The following NCOA1 variants were observed in gnomAD, a reference collection of about 807,000 sequenced individuals.
The protein encoded by NCOA1 is nuclear receptor coactivator 1.
Under a neutral mutation model 150.9 loss-of-function variants are expected in NCOA1, and 35 were observed. The ratio of observed to expected loss-of-function variants is 0.23; its 90% CI spans 0.18 to 0.31. NCOA1 has a LOEUF of 0.31. Among genes scored for constraint, NCOA1 ranks in the 10% least tolerant of loss-of-function variants. The pLI, the probability that NCOA1 is intolerant of heterozygous loss-of-function variation, is 1.00. For synonymous variants in NCOA1, 590 were observed against 630.0 expected, an observed-to-expected ratio of 0.94 and a Z score of 0.95; for missense variants, 1,491 against 1,749.3, an observed-to-expected ratio of 0.85 and a Z score of 2.63.
chr2:24,726,526 GA>G, intron 14 of NCOA1, 62 bp from the exon 15 acceptor site: 2 of 994,858 alleles, frequency 2.0e-6, no homozygotes, highest in Non-Finnish European at 3.0e-6. Context: ...TATTATTTTT[GA>G]AAATACCATC....
At chr2:24,581,287 A>G (rs532667082) in intron 2 of NCOA1, among the ~76,000 whole-genome samples, 1 of 152,196 alleles carries the variant, frequency 6.6e-6, no homozygotes, top group Non-Finnish European at 1.5e-5. Context: ...CTTCACTGAC[A>G]CTGTGGAAAA....
intron 2 of NCOA1, among the ~76,000 whole-genome samples, chr2:24,567,027 A>T (rs1484981150): frequency 1.3e-5 from 2 of 152,218 alleles, no homozygotes; most frequent in African/African-American, 2.4e-5. Context: ...GGCTCAGTGG[A>T]GCACACAGCC....
At chr2:24,611,943 T>A (rs1572489361) in intron 3 of NCOA1, among the ~76,000 whole-genome samples, 1 of 152,312 alleles carries the variant, frequency 6.6e-6, no homozygotes, top group South Asian at 2.1e-4. Context: ...ATGTGAGGTT[T>A]TGATCCTATT....
At chr2:24,650,581 A>T (rs1670669488) in intron 4 of NCOA1, among the ~76,000 whole-genome samples, 1 of 152,166 alleles carries the variant, frequency 6.6e-6, no homozygotes, top group South Asian at 2.1e-4. Context: ...TAAAAAGACA[A>T]GTTAAACCCA....
intron 3 of NCOA1, among the ~76,000 whole-genome samples, chr2:24,623,892 C>G (rs1262117556): frequency 6.6e-6 from 1 of 152,156 alleles, no homozygotes; most frequent in African/African-American, 2.4e-5. Flanking sequence ...GCCCTGTCTC[C>G]AAGTACAGTC....
At chr2:24,673,590 A>G in intron 7 of NCOA1, 127 bp downstream of exon 7, 2 of 544,166 alleles carry the variant, frequency 3.7e-6, no homozygotes, top group Non-Finnish European at 6.3e-6. Context: ...TTTTATAATT[A>G]TTTTATTATG....
chr2:24,535,978 C>T lies in NCOA1; in HGVS notation c.-395-28317C>T, dbSNP rs557635596. Reference sequence around the variant, plus strand: ...ATCTTTATGGTGTTCTGTGTACTTCCGAATTTGAATGTTGGCCTGCCTTGC... The same window carrying T: ...ATCTTTATGGTGTTCTGTGTACTTCTGAATTTGAATGTTGGCCTGCCTTGC... On this transcript the variant is annotated intron_variant, in intron 1 of 22. Transcript: ENST00000348332. 1.5e-3 allele frequency among the ~76,000 whole-genome samples: 224 copies of T among 152,072 alleles called. 4 individuals carry two copies. The highest frequency in any genetic ancestry group is 5.0e-3 in the African/African-American group (209 of 41,496).
chr2:24,650,739 A>G (rs903192831), intron 4 of NCOA1, among the ~76,000 whole-genome samples: 1 of 152,190 alleles, frequency 6.6e-6, no homozygotes, highest in African/African-American at 2.4e-5. Flanking sequence ...TGATCAAGGA[A>G]ATGTAAGTAA....
Position 24,729,724 on chromosome 2 carries a change from G to T in NCOA1, c.3110G>T (p.Gly1037Val). The change falls in exon 17 of 23, where the codon GGC (glycine) becomes GTC (valine). Residue 1037 changes from glycine to valine, a missense_variant. By Grantham distance (109) the Gly-to-Val change is moderately radical. Coordinates refer to ENST00000348332, the MANE Select transcript of NCOA1 (RefSeq NM_003743.5). ...CGAGGTGCTTTTTCACCTGGCATGG[G>T]CATGCAGCCCAGGCAAACTCTAAAC... ...PPRGAFSPGM[G>V]MQPRQTLNRP... The T allele has an allele frequency of 6.2e-7, 1 of 1,614,208 alleles. No individual in the cohort carries two copies. The highest frequency in any genetic ancestry group is 8.5e-7 in the Non-Finnish European group (1 of 1,180,044).
Position 24,691,609 on chromosome 2 carries a change from A to T in NCOA1, c.661A>T (p.Met221Leu). The T allele has an allele frequency of 6.2e-7, 1 of 1,614,170 alleles. No homozygotes were observed. Among genetic ancestry groups the T allele is most frequent in the Non-Finnish European group, 8.5e-7 (1 of 1,180,000 alleles). The change falls in exon 9 of 23, where the codon ATG becomes TTG. Residue 221 changes from methionine (M) to leucine (L), a missense_variant. Met to Leu is a conservative substitution (Grantham distance 15). Transcript: ENST00000348332. ...NQEACQRYEV[M>L]QCFTVSQPKS... The stretch of plus-strand genomic sequence containing the variant: ...AGAAGCTTGCCAGCGTTATGAAGTA[A>T]TGCAGTGTTTCACTGTGTCACAGCC...
intron 5 of NCOA1, among the ~76,000 whole-genome samples, chr2:24,663,214 C>G (rs1384718640): frequency 6.6e-6 from 1 of 152,164 alleles, no homozygotes; most frequent in African/African-American, 2.4e-5. Context: ...TACTGAACTA[C>G]TTATAGATTC....
Position 24,700,036 on chromosome 2 carries a change from G to A in NCOA1, c.949+2238G>A, listed in dbSNP as rs149009653. 6.2e-3 allele frequency among the ~76,000 whole-genome samples: 941 copies of A among 152,028 alleles called. 4 individuals are homozygous for A. Among genetic ancestry groups the A allele is most frequent in the South Asian group, 0.016 (77 of 4,814 alleles). On this transcript the variant is annotated intron_variant, in intron 11 of 22. Transcript: ENST00000348332. ...CGCAGTCCTGTAATCCCAGCTACTC[G>A]GAAGGCTGAGGCAGGAGAATCACTT...
At chr2:24,658,274 A>G (rs890235436) in intron 4 of NCOA1, among the ~76,000 whole-genome samples, 3 of 152,226 alleles carry the variant, frequency 2.0e-5, no homozygotes, top group Non-Finnish European at 2.9e-5. Context: ...CAGCTTCTAA[A>G]TAATAAATGC....
At chr2:24,671,011 A>T (rs1343206598) in intron 6 of NCOA1, among the ~76,000 whole-genome samples, 2 of 152,192 alleles carry the variant, frequency 1.3e-5, no homozygotes, top group Non-Finnish European at 2.9e-5. Context: ...AGTTACGCAG[A>T]CCTTATGATC....
chr2:24,503,655 T>C (rs555871105), intron 1 of NCOA1, among the ~76,000 whole-genome samples: 4 of 152,132 alleles, frequency 2.6e-5, no homozygotes, highest in Non-Finnish European at 4.4e-5. Flanking sequence ...GCTTAGTTTT[T>C]AACTGAGATA....
In NCOA1 at chr2:24,683,010, G is replaced by A. The variant is rs143026802; in HGVS notation, c.414G>A (p.Glu138=). 221 of 1,608,030 alleles carry A rather than the reference G, an allele frequency of 1.4e-4. No individual in the cohort carries two copies. The African/African-American group carries it at 2.5e-3, about 19-fold the overall frequency. ...AAGGGAGAATTGTATTTGTGTCAGA[G>A]AATGTAACCAGCTACTTAGGTTACA... ...NCEGRIVFVS[E]NVTSYLGYNQ... The change falls in exon 8 of 23, where the codon GAG becomes GAA. Residue 138 remains glutamate (E), a synonymous_variant. Coordinates refer to ENST00000348332, the MANE Select transcript of NCOA1 (RefSeq NM_003743.5).
At chr2:24,719,761 G>A (rs772985854) in intron 14 of NCOA1, among the ~76,000 whole-genome samples, 1 of 152,142 alleles carries the variant, frequency 6.6e-6, no homozygotes, top group African/African-American at 2.4e-5. Context: ...GGGGCCTGGC[G>A]AATCCTCTAG....
chr2:24,609,815 A>G (rs1455968942), intron 3 of NCOA1, among the ~76,000 whole-genome samples: 3 of 151,838 alleles, frequency 2.0e-5, no homozygotes, highest in African/African-American at 7.3e-5. Flanking sequence ...GAAAGCATTG[A>G]TGGGAATACA....
chr2:24,672,697 C>T (rs1226162761), intron 6 of NCOA1, among the ~76,000 whole-genome samples: 6 of 152,156 alleles, frequency 3.9e-5, no homozygotes, highest in African/African-American at 4.8e-5. Flanking sequence ...GCACCCAACC[C>T]GGAAATACTT....
Sources: allele counts gnomAD v4.1 joint callset (sites outside exome capture counted in the v4.1 genomes callset), GRCh38; gene constraint gnomAD v4.1.1; transcripts MANE v1.5; gene names NCBI Gene and HGNC (gene_info 2026-07-23, HGNC 2026-07-21).